The following NALF1 variants were observed in gnomAD, a reference collection of about 807,000 sequenced individuals.
NALF1 encodes NALCN channel auxiliary factor 1, also known as family with sequence similarity 155 member A.
A neutral mutation model predicts 48.4 loss-of-function variants in NALF1; 3 were observed. That is an observed-to-expected ratio of 0.06 (90% CI 0.03 to 0.16). The LOEUF is 0.16. Ranked by LOEUF, NALF1 falls within the 10% of genes least tolerant of loss-of-function variation. The pLI is 1.00. For synonymous variants in NALF1, 262 were observed against 245.7 expected (o/e 1.07, Z -0.62); for missense variants, 526 against 571.5 (o/e 0.92, Z 0.81).
intron 1 of NALF1, among the ~76,000 whole-genome samples, chr13:107,742,654 G>C (rs1177678551): frequency 4.7e-4 from 71 of 152,142 alleles, no homozygotes; most frequent in Non-Finnish European, 7.3e-5. Flanking sequence ...CCCAGTCTCA[G>C]ATATGTCTTT....
rs555970590 is a variant in NALF1 at position 107,402,542 on chromosome 13, A to G, written c.916-191787T>C. ...AATTATTACACAGCAATAGGTAACC[A>G]ATACAGTGTCTTTCATTATTCACTG... On this transcript the variant is annotated intron_variant, in intron 1 of 2. Transcript: ENST00000375915. Among the ~76,000 whole-genome samples, 10 of 152,308 alleles carry G rather than the reference A, an allele frequency of 6.6e-5. No homozygotes were observed. In the East Asian group the frequency reaches 1.7e-3, roughly 27 times the overall value.
rs61966027 is a variant in NALF1, at chr13:107,700,810, C to T, written c.915+164872G>A. Among the ~76,000 whole-genome samples the T allele has an allele frequency of 2.2e-3, 341 of 151,950 alleles. 1 individual carries two copies. The highest frequency in any genetic ancestry group is 3.2e-3 in the Non-Finnish European group (219 of 67,904). On this transcript the variant is annotated intron_variant, in intron 1 of 2. Coordinates refer to ENST00000375915, the MANE Select transcript of NALF1 (RefSeq NM_001080396.3). The stretch of plus-strand genomic sequence containing the variant: ...GAAAAGCAAAACAAAACAAAAAAAC[C>T]GATTTAAACATGGGCAAAGGACCTG...
chr13:107,541,695 A>G (rs1877004016), intron 1 of NALF1, among the ~76,000 whole-genome samples: 1 of 152,150 alleles, frequency 6.6e-6, no homozygotes, highest in Non-Finnish European at 1.5e-5. Flanking sequence ...ATGACATGAT[A>G]GTCTTCTACT....
rs368525796 is a variant in NALF1 at position 107,778,486 on chromosome 13, A to T, written c.915+87196T>A. Among the ~76,000 whole-genome samples, 68 of 152,310 alleles carry T rather than the reference A, an allele frequency of 4.5e-4. 1 individual carries two copies. Among genetic ancestry groups the T allele is most frequent in the African/African-American group, 1.6e-3 (67 of 41,568 alleles). On this transcript the variant is annotated intron_variant, in intron 1 of 2. Coordinates refer to ENST00000375915, the MANE Select transcript of NALF1 (RefSeq NM_001080396.3). Reference sequence around the variant, plus strand: ...TCAAATTTTAAAGACCTGTATGTGGAACTGGAATTGGAAAAGATATGACTC... The same window carrying T: ...TCAAATTTTAAAGACCTGTATGTGGTACTGGAATTGGAAAAGATATGACTC...
At chr13:107,713,147 G>C (rs967324841) in intron 1 of NALF1, among the ~76,000 whole-genome samples, 1 of 152,138 alleles carries the variant, frequency 6.6e-6, no homozygotes, top group African/African-American at 2.4e-5. Flanking sequence ...AATTTTCTTC[G>C]GAAGTAGCTC....
chr13:107,815,384 A>G (rs1008414332), intron 1 of NALF1, among the ~76,000 whole-genome samples: 9 of 152,210 alleles, frequency 5.9e-5, no homozygotes, highest in African/African-American at 2.2e-4. Context: ...TAAGATATAC[A>G]AATGGCCAAT....
In NALF1 at chr13:107,486,799, G is replaced by C. The variant is rs149301407; in HGVS notation, c.916-276044C>G. On this transcript the variant is annotated intron_variant, in intron 1 of 2. Transcript: ENST00000375915. ...TTTTCATATAATATTTCAACTCCCTGCTTTTGGATATTGAAGGGAGTTCAT... is the reference window on the plus strand; with the variant it reads ...TTTTCATATAATATTTCAACTCCCTCCTTTTGGATATTGAAGGGAGTTCAT... 4.8e-3 allele frequency among the ~76,000 whole-genome samples: 731 copies of C among 152,160 alleles called. 4 individuals are homozygous for C. The highest frequency in any genetic ancestry group is 0.015 in the African/African-American group (619 of 41,502).
At chr13:107,695,666 T>G (rs1881681766) in intron 1 of NALF1, among the ~76,000 whole-genome samples, 1 of 152,182 alleles carries the variant, frequency 6.6e-6, no homozygotes, top group Non-Finnish European at 1.5e-5. Context: ...AATAATACCA[T>G]TCTCCTCGGT....
At chr13:107,226,292 A>G (rs1242118686) in intron 1 of NALF1, among the ~76,000 whole-genome samples, 1 of 152,230 alleles carries the variant, frequency 6.6e-6, no homozygotes, top group Non-Finnish European at 1.5e-5. Flanking sequence ...TTTATTCCTT[A>G]GAATTTAAGA....
chr13:107,719,191 T>C (rs1001894092), intron 1 of NALF1, among the ~76,000 whole-genome samples: 1 of 152,254 alleles, frequency 6.6e-6, no homozygotes, highest in African/African-American at 2.4e-5. Context: ...CTGTAACTAA[T>C]GAAAATCTGC....
At chr13:107,225,078 G>A (rs1013559458) in intron 1 of NALF1, among the ~76,000 whole-genome samples, 3 of 151,988 alleles carry the variant, frequency 2.0e-5, no homozygotes, top group Non-Finnish European at 4.4e-5. Context: ...GCACAATCTC[G>A]GCTCACTGCA....
At chr13:107,831,196 C>T (rs1192306451) in intron 1 of NALF1, among the ~76,000 whole-genome samples, 1 of 152,148 alleles carries the variant, frequency 6.6e-6, no homozygotes, top group Non-Finnish European at 1.5e-5. Context: ...TCATCCAGAC[C>T]TGAAAAACAG....
intron 1 of NALF1, among the ~76,000 whole-genome samples, chr13:107,498,348 G>A (rs748910594): frequency 2.2e-4 from 33 of 152,122 alleles, no homozygotes; most frequent in Non-Finnish European, 4.1e-4. Flanking sequence ...GAAGAGCTTG[G>A]GAGAGGACTG....
chr13:107,648,667 G>A (rs1030851225), intron 1 of NALF1, among the ~76,000 whole-genome samples: 3 of 152,120 alleles, frequency 2.0e-5, no homozygotes, highest in South Asian at 2.1e-4. Context: ...TTTTGTGTGA[G>A]TATAAATTTT....
chr13:107,570,113 G>A (rs1223064106), intron 1 of NALF1, among the ~76,000 whole-genome samples: 1 of 151,658 alleles, frequency 6.6e-6, no homozygotes, highest in African/African-American at 2.4e-5. Context: ...TGTACACCTT[G>A]GTGTTTTCTA....
At chr13:107,675,535 G>T (rs960603993) in intron 1 of NALF1, among the ~76,000 whole-genome samples, 6 of 152,102 alleles carry the variant, frequency 3.9e-5, no homozygotes, top group Non-Finnish European at 8.8e-5. Context: ...ATTTGAAAAT[G>T]TATCTTCAAT....
intron 1 of NALF1, among the ~76,000 whole-genome samples, chr13:107,528,059 C>A (rs780919690): frequency 4.2e-4 from 64 of 151,868 alleles, no homozygotes; most frequent in Non-Finnish European, 8.2e-4. Context: ...GAAAGAACAC[C>A]CACTGCTATA....
chr13:107,384,378 G>A (rs1883491069), intron 1 of NALF1, among the ~76,000 whole-genome samples: 1 of 152,098 alleles, frequency 6.6e-6, no homozygotes, highest in Non-Finnish European at 1.5e-5. Context: ...TTGGCCTTTA[G>A]TTTTGCTTTT....
chr13:107,407,182 G>A (rs892880953), intron 1 of NALF1, among the ~76,000 whole-genome samples: 1 of 151,974 alleles, frequency 6.6e-6, no homozygotes, highest in African/African-American at 2.4e-5. Flanking sequence ...GAACATTGGG[G>A]AAACTCTTCA....
Sources: allele counts gnomAD v4.1 joint callset (sites outside exome capture counted in the v4.1 genomes callset), GRCh38; gene constraint gnomAD v4.1.1; transcripts MANE v1.5; gene names NCBI Gene and HGNC (gene_info 2026-07-23, HGNC 2026-07-21).